Variants in LCLAT1 observed in about 807,000 individuals in gnomAD.
LCLAT1 encodes 1-AGP acyltransferase 8.
LCLAT1 carries 11 observed loss-of-function variants against 30.7 expected under a neutral mutation model. That is an observed-to-expected ratio of 0.36 (90% CI 0.23 to 0.59). The LOEUF (loss-of-function observed/expected upper bound fraction) is 0.59, where lower values mean the gene tolerates loss of function less well. Ranked by LOEUF, LCLAT1 falls within the 20% of genes least tolerant of loss-of-function variation. The probability of loss-of-function intolerance (pLI) is 0.77; values close to 1 mark genes in which losing one functional copy is unlikely to be tolerated. For synonymous variants in LCLAT1, 155 were observed against 151.3 expected (o/e 1.02, Z -0.18); for missense variants, 402 against 458.6 (o/e 0.88, Z 1.13).
intron 3 of LCLAT1, among the ~76,000 whole-genome samples, chr2:30,549,206 T>G: frequency 6.6e-6 from 1 of 152,168 alleles, no homozygotes; most frequent in South Asian, 2.1e-4. Context: ...GCTGGGGGCT[T>G]TAAGGTTATC....
At chr2:30,568,883 A>AG (rs1553376266) in intron 5 of LCLAT1, among the ~76,000 whole-genome samples, 8 of 150,632 alleles carry the variant, frequency 5.3e-5, no homozygotes, top group South Asian at 4.2e-4. Context: ...AAAAAAAAAA[A>AG]AGAGAAAAAA....
At chr2:30,518,268 A>G (rs1451954530) in intron 1 of LCLAT1, among the ~76,000 whole-genome samples, 1 of 152,192 alleles carries the variant, frequency 6.6e-6, no homozygotes, top group African/African-American at 2.4e-5. Flanking sequence ...CAAAGTTCTA[A>G]CCAGACCTAG....
intron 5 of LCLAT1, among the ~76,000 whole-genome samples, 193 bp downstream of exon 5, chr2:30,568,369 C>T (rs997290271): frequency 6.6e-6 from 1 of 151,834 alleles, no homozygotes; most frequent in Non-Finnish European, 1.5e-5. Context: ...TAGAAGAGAT[C>T]TCTGTAAAAA....
At chr2:30,529,993 A>T (rs1278450833) in intron 2 of LCLAT1, among the ~76,000 whole-genome samples, 4 of 152,330 alleles carry the variant, frequency 2.6e-5, no homozygotes, top group South Asian at 4.1e-4. Context: ...TGTGATCTTG[A>T]GAGGAACCAC....
At chr2:30,473,185 TTA>T (rs1682882078) in intron 1 of LCLAT1, among the ~76,000 whole-genome samples, 1 of 152,206 alleles carries the variant, frequency 6.6e-6, no homozygotes, top group African/African-American at 2.4e-5. Context: ...TGTTAGACAG[TTA>T]TATGTGTCTA....
chr2:30,468,096 C>T (rs1252619), intron 1 of LCLAT1, among the ~76,000 whole-genome samples: 14,305 of 152,082 alleles, frequency 0.094, 708 homozygotes, highest in East Asian at 0.11. Flanking sequence ...GTCTTTAATC[C>T]GTCTTGAATT....
chr2:30,566,693 T>TA (rs1665498753), intron 4 of LCLAT1, among the ~76,000 whole-genome samples: 1 of 152,232 alleles, frequency 6.6e-6, no homozygotes. Context: ...TTGCGGGTTC[T>TA]AACATCTGCT....
intron 1 of LCLAT1, among the ~76,000 whole-genome samples, chr2:30,520,246 C>G (rs978916508): frequency 6.6e-6 from 1 of 152,158 alleles, no homozygotes; most frequent in African/African-American, 2.4e-5. Context: ...GTTCTAAGAA[C>G]AAACACCTGC....
At chr2:30,625,487 G>A (rs1226216918) in intron 5 of LCLAT1, among the ~76,000 whole-genome samples, 1 of 152,142 alleles carries the variant, frequency 6.6e-6, no homozygotes, top group Admixed American at 6.5e-5. Context: ...TACTCCTGAA[G>A]ACAGCAGCTT....
intron 3 of LCLAT1, among the ~76,000 whole-genome samples, chr2:30,538,715 A>T (rs1252634): frequency 0.098 from 14,519 of 148,852 alleles, 733 homozygotes; most frequent in East Asian, 0.13. Flanking sequence ...AACTGATACC[A>T]CAGAAATACA....
intron 1 of LCLAT1, among the ~76,000 whole-genome samples, chr2:30,518,275 C>G (rs1298387314): frequency 6.6e-6 from 1 of 152,140 alleles, no homozygotes; most frequent in Non-Finnish European, 1.5e-5. Flanking sequence ...CTAACCAGAC[C>G]TAGGAGGAAC....
chr2:30,547,060 A>C (rs1031881707), intron 3 of LCLAT1, among the ~76,000 whole-genome samples: 3 of 152,146 alleles, frequency 2.0e-5, no homozygotes, highest in African/African-American at 7.2e-5. Context: ...CAGTTCCTTT[A>C]GTGCAATCAT....
chr2:30,504,716 C>T (rs1038758711), intron 1 of LCLAT1, among the ~76,000 whole-genome samples: 1 of 152,142 alleles, frequency 6.6e-6, no homozygotes, highest in Admixed American at 6.6e-5. Flanking sequence ...TTCTCTCTCC[C>T]TTCTTTCCTT....
intron 5 of LCLAT1, chr2:30,606,325 T>C: frequency 3.5e-6 from 1 of 284,224 alleles, no homozygotes. Context: ...TCACATTACC[T>C]GACTTCAAAC....
intron 3 of LCLAT1, among the ~76,000 whole-genome samples, chr2:30,538,429 G>A (rs1663914860): frequency 6.6e-6 from 1 of 152,044 alleles, no homozygotes; most frequent in Non-Finnish European, 1.5e-5. Flanking sequence ...GATCACCTGA[G>A]TCAGGAGTTG....
At chr2:30,558,502 G>A (rs1485030671) in intron 3 of LCLAT1, among the ~76,000 whole-genome samples, 1 of 151,700 alleles carries the variant, frequency 6.6e-6, no homozygotes, top group Admixed American at 6.6e-5. Flanking sequence ...CGAGGCTGAG[G>A]CTGGAGAATT....
chr2:30,448,017 T>A (rs546556371), intron 1 of LCLAT1, among the ~76,000 whole-genome samples: 28 of 152,336 alleles, frequency 1.8e-4, no homozygotes, highest in Admixed American at 1.4e-3. Context: ...AATTGCCCAT[T>A]TGAAGAAAAG....
intron 3 of LCLAT1, among the ~76,000 whole-genome samples, chr2:30,547,840 A>G (rs537627475): frequency 1.3e-5 from 2 of 152,256 alleles, no homozygotes; most frequent in Admixed American, 1.3e-4. Context: ...ATTTATAGCC[A>G]AAAGCATCCT....
intron 1 of LCLAT1, among the ~76,000 whole-genome samples, chr2:30,515,807 ATTTTAAAGGGT>A (rs1185913777): frequency 6.6e-6 from 1 of 152,102 alleles, no homozygotes; most frequent in Non-Finnish European, 1.5e-5. Context: ...GGCGTTTTTT[ATTTTAAAGGGT>A]TTTTAAAGAT....
Sources: allele counts gnomAD v4.1 joint callset (sites outside exome capture counted in the v4.1 genomes callset), GRCh38; gene constraint gnomAD v4.1.1; transcripts MANE v1.5; gene names NCBI Gene and HGNC (gene_info 2026-07-23, HGNC 2026-07-21).